The following MOB3C variants were observed in gnomAD, a reference collection of about 807,000 sequenced individuals.
MOB3C encodes the protein MOB1, Mps One Binder kinase activator-like 2C.
MOB3C carries 17 observed loss-of-function variants against 19.8 expected under a neutral mutation model. The observed-to-expected ratio is 0.86, with a 90% CI of 0.59 to 1.29. The LOEUF (loss-of-function observed/expected upper bound fraction) is 1.29, where lower values mean the gene tolerates loss of function less well. MOB3C is among the 50% of genes most tolerant of loss of function. The pLI is 0.00. For synonymous variants in MOB3C, 101 were observed against 119.2 expected, an observed-to-expected ratio of 0.85 and a Z score of 0.99; for missense variants, 291 against 301.9, an observed-to-expected ratio of 0.96 and a Z score of 0.27.
In MOB3C at chr1:46,609,234, TCA is replaced by T. The variant is rs543977500; in HGVS notation, c.*419_*420del. ...TCACAGACACACCCCACAGTGAAAA[TCA>T]CACACACACACACACACCCCGGCAT... is the stretch of plus-strand genomic sequence containing the variant. On this transcript the variant is annotated 3_prime_UTR_variant, in exon 4 of 4. Coordinates refer to ENST00000319928, the MANE Select transcript of MOB3C (RefSeq NM_201403.3). The T allele has an allele frequency of 0.016, 3,830 of 233,288 alleles. No homozygotes were observed. The highest frequency in any genetic ancestry group is 0.039 in the Middle Eastern group (24 of 622). The allele number at this position is 233,288 out of a possible 1,614,324, so 14.5% of individuals were successfully genotyped here.
chr1:46,611,457 C>T lies in MOB3C; in HGVS notation c.419-1253G>A, dbSNP rs934878816. On this transcript the variant is annotated intron_variant, in intron 2 of 3. Transcript: ENST00000319928. This position sits in a 1 kb window ranked among gnomAD's most constrained non-coding sequence, Gnocchi z 4.1. ...CAGAGATCTTGGTGGCTTATGCCCT[C>T]TTCTCTGTGTGGCAGTCACCCAGGG... 2.0e-5 allele frequency among the ~76,000 whole-genome samples: 3 copies of T among 152,228 alleles called. No homozygotes were observed. The highest frequency in any genetic ancestry group is 4.4e-5 in the Non-Finnish European group (3 of 68,036).
At position 46,612,887 on chromosome 1, in the gene MOB3C, C is replaced by T. The variant is rs780903430; in HGVS notation, c.418+17G>A. 8 of 1,531,554 alleles carry T rather than the reference C, an allele frequency of 5.2e-6. No homozygotes were observed. The highest frequency in any genetic ancestry group is 1.3e-5 in the South Asian group (1 of 77,948). The allele number at this position is 1,531,554 out of a possible 1,614,324, so 94.9% of individuals were successfully genotyped here. On this transcript the variant is annotated intron_variant, in intron 2 of 3. Coordinates refer to ENST00000319928, the MANE Select transcript of MOB3C (RefSeq NM_201403.3). ...AATGGGCTCCCAGTGGCTCCCTCCCCGCCAGGTGACACTCACCAACACGCG... is the reference window on the plus strand; with the variant it reads ...AATGGGCTCCCAGTGGCTCCCTCCCTGCCAGGTGACACTCACCAACACGCG...
At position 46,609,234 on chromosome 1, in the gene MOB3C, TCACA is replaced by T. The variant is rs543977500; in HGVS notation, c.*417_*420del. Reference sequence around the variant, plus strand: ...TCACAGACACACCCCACAGTGAAAATCACACACACACACACACACCCCGGCATCT... The same window carrying T: ...TCACAGACACACCCCACAGTGAAAATCACACACACACACACCCCGGCATCT... On this transcript the variant is annotated 3_prime_UTR_variant, in exon 4 of 4. Coordinates refer to ENST00000319928, the MANE Select transcript of MOB3C (RefSeq NM_201403.3). 1.8e-4 allele frequency: 43 copies of T among 240,204 alleles called. No homozygotes were observed. The highest frequency in any genetic ancestry group is 1.5e-3 in the Middle Eastern group (1 of 658). 14.9% of individuals were successfully genotyped at this position (240,204 alleles called of 1,614,324 possible). A position where few individuals can be genotyped will look rare whatever the true frequency, so the allele number is the denominator to read the frequency against.
rs1055691387 is a variant in MOB3C, at chr1:46,607,918, C to G, written c.*1737G>C. The G allele has an allele frequency of 4.6e-5, 7 of 152,250 alleles. No individual in the cohort carries two copies. Among genetic ancestry groups the G allele is most frequent in the African/African-American group, 1.7e-4 (7 of 41,452 alleles). 9.4% of individuals were successfully genotyped at this position (152,250 alleles called of 1,614,324 possible). A position where few individuals can be genotyped will look rare whatever the true frequency, so the allele number is the denominator to read the frequency against. ...ACAGCCTCTGGCAAAGCTGCCAGGC[C>G]ACTCTGGAGGCGGCAGAGGCAGAAG... On this transcript the variant is annotated 3_prime_UTR_variant, in exon 4 of 4. Transcript: ENST00000319928.
chr1:46,609,566 A>C lies in MOB3C; in HGVS notation c.*89T>G, dbSNP rs1243016480. The C allele has an allele frequency of 1.3e-6, 2 of 1,530,936 alleles. No homozygotes were observed. Among genetic ancestry groups the C allele is most frequent in the Non-Finnish European group, 1.8e-6 (2 of 1,106,916 alleles). The allele number at this position is 1,530,936 out of a possible 1,614,324, so 94.8% of individuals were successfully genotyped here. A position where few individuals can be genotyped will look rare whatever the true frequency, so the allele number is the denominator to read the frequency against. ...TGTGTGGAGTGATTCCAGTGCCTTC[A>C]GATTCCTTCAGGCTCCTGGGGGTCC... On this transcript the variant is annotated 3_prime_UTR_variant, in exon 4 of 4. Coordinates refer to ENST00000319928, the MANE Select transcript of MOB3C (RefSeq NM_201403.3).
chr1:46,610,308 C>A, intron 2 of MOB3C, 104 bp from the exon 3 acceptor site: 1 of 997,472 alleles, frequency 1.0e-6, no homozygotes, highest in East Asian at 2.5e-5. Context: ...TTTTCCCCAG[C>A]ACACTTTTTA....
Position 46,609,307 on chromosome 1 carries a change from T to G in MOB3C, c.*348A>C, listed in dbSNP as rs542563451. 1.0e-4 allele frequency: 41 copies of G among 397,536 alleles called. No homozygotes were observed. The highest frequency in any genetic ancestry group is 7.6e-4 in the African/African-American group (37 of 48,538). The allele number at this position is 397,536 out of a possible 1,614,324, so 24.6% of individuals were successfully genotyped here. On this transcript the variant is annotated 3_prime_UTR_variant, in exon 4 of 4. Transcript: ENST00000319928. ...ACTGCTCACTTTCTTGCACCTTTCTTGCCATCACCTCGGCCACACCCACAT... is the reference window on the plus strand; with the variant it reads ...ACTGCTCACTTTCTTGCACCTTTCTGGCCATCACCTCGGCCACACCCACAT...
Position 46,611,992 on chromosome 1 carries a change from G to A in MOB3C, c.418+912C>T, listed in dbSNP as rs74629728. On this transcript the variant is annotated intron_variant, in intron 2 of 3. Coordinates refer to ENST00000319928, the MANE Select transcript of MOB3C (RefSeq NM_201403.3). The surrounding 1 kb of genome is among the most constrained non-coding windows in gnomAD (Gnocchi z 4.1). Reference sequence around the variant, plus strand: ...TGAGCTCCAGGCCAGGTGGGGGCTGGGCCCAGCTACAGGTGCGGCTGGTGT... The same window carrying A: ...TGAGCTCCAGGCCAGGTGGGGGCTGAGCCCAGCTACAGGTGCGGCTGGTGT... Among the ~76,000 whole-genome samples the A allele has an allele frequency of 2.9e-3, 435 of 152,296 alleles. 1 individual carries two copies. The highest frequency in any genetic ancestry group is 0.01 in the African/African-American group (421 of 41,572).
chr1:46,615,228 T>C, intron 1 of MOB3C: 1 of 619,704 alleles, frequency 1.6e-6, no homozygotes, highest in East Asian at 2.8e-5. Context: ...CACCTTGTCC[T>C]ACCTTTCCTG....
At position 46,608,622 on chromosome 1, in the gene MOB3C, G is replaced by C. The variant is rs1675407950; in HGVS notation, c.*1033C>G. 1 of 152,686 alleles carries C rather than the reference G, an allele frequency of 6.5e-6. No homozygotes were observed. The highest frequency in any genetic ancestry group is 1.5e-5 in the Non-Finnish European group (1 of 68,058). The allele number at this position is 152,686 out of a possible 1,614,324, so 9.5% of individuals were successfully genotyped here. On this transcript the variant is annotated 3_prime_UTR_variant, in exon 4 of 4. Transcript: ENST00000319928. The surrounding 1 kb of genome is among the most constrained non-coding windows in gnomAD (Gnocchi z 4.5). ...CTACATCCTCAATGTGCTGGGATGG[G>C]AGACAAGACTCCAAAGTTCCCAATT...
intron 1 of MOB3C, chr1:46,615,756 G>A (rs968193044): frequency 1.3e-5 from 2 of 152,330 alleles, no homozygotes; most frequent in Non-Finnish European, 2.9e-5. Flanking sequence ...TCAATGGTCT[G>A]GTGGAGACAG....
At chr1:46,614,839 T>C in intron 1 of MOB3C, 3 of 620,910 alleles carry the variant, frequency 4.8e-6, no homozygotes, top group South Asian at 4.5e-5. Flanking sequence ...GCTGGGGAGC[T>C]GTTTGAGACA....
chr1:46,613,447 T>C, intron 1 of MOB3C, 76 bp from the exon 2 acceptor site: 3 of 1,343,796 alleles, frequency 2.2e-6, no homozygotes, highest in Non-Finnish European at 3.1e-6. Context: ...AATTCATCAT[T>C]TCCCTGTCAC....
chr1:46,609,325 A>C lies in MOB3C; in HGVS notation c.*330T>G. On this transcript the variant is annotated 3_prime_UTR_variant, in exon 4 of 4. Transcript: ENST00000319928. ...CCTTTCTTGCCATCACCTCGGCCAC[A>C]CCCACATTCCTCCAATAGGCTTGGG... 1 of 440,744 alleles carries C rather than the reference A, an allele frequency of 2.3e-6. No individual in the cohort carries two copies. The highest frequency in any genetic ancestry group is 4.2e-6 in the Non-Finnish European group (1 of 239,038). The allele number at this position is 440,744 out of a possible 1,614,324, so 27.3% of individuals were successfully genotyped here. A position where few individuals can be genotyped will look rare whatever the true frequency, so the allele number is the denominator to read the frequency against.
chr1:46,612,117 C>T (rs1292792839), intron 2 of MOB3C, among the ~76,000 whole-genome samples: 2 of 152,174 alleles, frequency 1.3e-5, no homozygotes, highest in Admixed American at 6.5e-5. Context: ...ACTCATCTCC[C>T]CTCCCTACCC....
chr1:46,610,119 G>A lies in MOB3C; in HGVS notation c.504C>T (p.His168=), dbSNP rs1450271447. Reference sequence around the variant, plus strand: ...CCATGCTGAGGATGCTATCGAAGTGGTGGATGTAGACATGGACAAAGACTC... The same window carrying A: ...CCATGCTGAGGATGCTATCGAAGTGATGGATGTAGACATGGACAAAGACTC... The part of the protein sequence containing the change: ...LFRVFVHVYI[H]HFDSILSMGA... Residue 168 remains histidine, a synonymous_variant, in exon 3 of 4, where the codon CAC becomes CAT. Transcript: ENST00000319928. 2 of 1,614,102 alleles carry A rather than the reference G, an allele frequency of 1.2e-6. No individual in the cohort carries two copies. Among genetic ancestry groups the A allele is most frequent in the East Asian group, 2.2e-5 (1 of 44,894 alleles).
intron 2 of MOB3C, among the ~76,000 whole-genome samples, chr1:46,612,101 G>A (rs1204282595): frequency 6.6e-6 from 1 of 152,146 alleles, no homozygotes; most frequent in African/African-American, 2.4e-5. Flanking sequence ...GTGCCTGGGT[G>A]ACATCACTCA....
chr1:46,614,792 C>T (rs576426101), intron 1 of MOB3C: 34 of 554,124 alleles, frequency 6.1e-5, no homozygotes, highest in African/African-American at 4.5e-4. Context: ...GCACATATTT[C>T]GGGGAGGGGT....
At position 46,613,323 on chromosome 1, in the gene MOB3C, G is replaced by T; in HGVS notation, c.-2C>A. 1 of 1,603,016 alleles carries T rather than the reference G, an allele frequency of 6.2e-7. No homozygotes were observed. Among genetic ancestry groups the T allele is most frequent in the Non-Finnish European group, 8.5e-7 (1 of 1,179,954 alleles). On this transcript the variant is annotated 5_prime_UTR_variant, in exon 2 of 4. Transcript: ENST00000319928. Reference sequence around the variant, plus strand: ...CACCTGCTTCAGGCACAGGGCCATGGCCAGCTGGGCCTGGGGCTGCTGTCC... The same window carrying T: ...CACCTGCTTCAGGCACAGGGCCATGTCCAGCTGGGCCTGGGGCTGCTGTCC...
Sources: gnomAD v4.1 joint callset for allele counts (sites outside exome capture counted in the v4.1 genomes callset) on GRCh38, gnomAD v4.1.1 for gene constraint, Gnocchi (gnomAD v3.1) non-coding constraint, MANE v1.5 for transcripts, NCBI Gene and HGNC (gene_info 2026-07-23, HGNC 2026-07-21) for gene names.